VPS8: variants seen among roughly 807,000 people sequenced by gnomAD.
VPS8 encodes the protein VPS8 subunit of CORVET complex.
A neutral mutation model predicts 216.4 loss-of-function variants in VPS8; 129 were observed. That is an observed-to-expected ratio of 0.60 (90% CI 0.52 to 0.69). The LOEUF is 0.69. VPS8 is among the 30% of genes least tolerant of loss of function. The probability of loss-of-function intolerance (pLI) is 0.00; values close to 1 mark genes in which losing one functional copy is unlikely to be tolerated. For synonymous variants in VPS8, 571 were observed against 565.4 expected (o/e 1.01, Z -0.14); for missense variants, 1,531 against 1,683.5 (o/e 0.91, Z 1.59).
intron 30 of VPS8, among the ~76,000 whole-genome samples, chr3:184,925,772 ATTTTTTTT>A (rs769693262): frequency 3.3e-5 from 4 of 121,524 alleles, no homozygotes; most frequent in East Asian, 2.4e-4. Flanking sequence ...TTCTCTCTCT[ATTTTTTTT>A]TTTTTTTTTT....
chr3:185,002,721 A>G (rs1218485156), intron 45 of VPS8, among the ~76,000 whole-genome samples: 1 of 152,108 alleles, frequency 6.6e-6, no homozygotes, highest in African/African-American at 2.4e-5. Context: ...TCCATTCCTG[A>G]GTTACTTCAC....
chr3:184,869,759 G>A (rs1348963583), intron 20 of VPS8, among the ~76,000 whole-genome samples: 1 of 152,132 alleles, frequency 6.6e-6, no homozygotes, highest in Non-Finnish European at 1.5e-5. Flanking sequence ...GTATGGTGGT[G>A]TGCACCTGTA....
chr3:185,030,929 A>AT (rs986408165), intron 46 of VPS8, among the ~76,000 whole-genome samples: 158 of 146,132 alleles, frequency 1.1e-3, no homozygotes, highest in African/African-American at 2.3e-3. Context: ...TGCCTGGCTG[A>AT]TTTTTTTTTT....
intron 15 of VPS8, among the ~76,000 whole-genome samples, 161 bp from the exon 16 acceptor site, chr3:184,862,736 C>T (rs1726602030): frequency 6.6e-6 from 1 of 152,168 alleles, no homozygotes; most frequent in Non-Finnish European, 1.5e-5. Context: ...TGTTCTCTGG[C>T]CTGTCACTGA....
At chr3:185,027,220 T>A (rs1178600569) in intron 46 of VPS8, among the ~76,000 whole-genome samples, 1 of 149,236 alleles carries the variant, frequency 6.7e-6, no homozygotes, top group South Asian at 2.1e-4. Context: ...GCTAACTTAG[T>A]GCAGTTTTTA....
At chr3:184,869,222 A>G (rs1362257143) in intron 19 of VPS8, among the ~76,000 whole-genome samples, 186 bp downstream of exon 19, 1 of 152,226 alleles carries the variant, frequency 6.6e-6, no homozygotes, top group African/African-American at 2.4e-5. Flanking sequence ...AATAGAGGGT[A>G]TAGAAATTAA....
At chr3:185,016,654 C>G (rs1342050151) in intron 45 of VPS8, among the ~76,000 whole-genome samples, 1 of 152,184 alleles carries the variant, frequency 6.6e-6, no homozygotes, top group South Asian at 2.1e-4. Context: ...CGGGAGAAGG[C>G]AATCCTGGCT....
intron 14 of VPS8, among the ~76,000 whole-genome samples, chr3:184,857,939 G>T (rs1259235010): frequency 6.6e-6 from 1 of 152,168 alleles, no homozygotes; most frequent in African/African-American, 2.4e-5. Context: ...AAGTGATTTA[G>T]TGAAGTGAAG....
In VPS8 at chr3:184,824,600, T is replaced by C; in HGVS notation, c.-33T>C. The C allele has an allele frequency of 6.3e-7, 1 of 1,592,972 alleles. No individual in the cohort carries two copies. On this transcript the variant is annotated 5_prime_UTR_variant, in exon 2 of 48. Transcript: ENST00000625842. ...GCCAAACAAACAAAAAACACTTGCT[T>C]TGATGGACTGAATACTGTTATTAGA... is the stretch of plus-strand genomic sequence containing the variant.
At chr3:184,969,148 C>G (rs536091050) in intron 39 of VPS8, among the ~76,000 whole-genome samples, 4 of 152,144 alleles carry the variant, frequency 2.6e-5, no homozygotes, top group South Asian at 4.2e-4. Context: ...GACGGCGTCT[C>G]GCTCTGTTGC....
chr3:184,869,090 A>G lies in VPS8; in HGVS notation c.1597+54A>G, dbSNP rs77544581. ...ACGTGGTTCTCCTGGAGTAGAGGGA[A>G]TGGTTAGTACTAACCACTCATAGGA... On this transcript the variant is annotated intron_variant, in intron 19 of 47. Coordinates refer to ENST00000625842, the MANE Select transcript of VPS8 (RefSeq NM_001009921.3). The G allele has an allele frequency of 1.1e-4, 161 of 1,504,988 alleles. No individual in the cohort carries two copies. In the East Asian group the frequency reaches 3.8e-3, roughly 36 times the overall value. The allele number at this position is 1,504,988 out of a possible 1,614,324, so 93.2% of individuals were successfully genotyped here. A position where few individuals can be genotyped will look rare whatever the true frequency, so the allele number is the denominator to read the frequency against.
chr3:184,836,432 C>A, intron 5 of VPS8: 1 of 394,702 alleles, frequency 2.5e-6, no homozygotes, highest in Non-Finnish European at 5.0e-6. Context: ...GGAGACTGAG[C>A]TAAAACTCAG....
At chr3:184,819,574 A>G (rs1054458704) in intron 1 of VPS8, among the ~76,000 whole-genome samples, 21 of 152,244 alleles carry the variant, frequency 1.4e-4, no homozygotes, top group Non-Finnish European at 2.9e-4. Context: ...TCATTGGTGC[A>G]TATATTGGAA....
chr3:184,917,766 A>G (rs950102323), intron 28 of VPS8, among the ~76,000 whole-genome samples: 22 of 152,332 alleles, frequency 1.4e-4, no homozygotes, highest in African/African-American at 5.3e-4. Flanking sequence ...GAAGAAAAAT[A>G]TATTAATTTT....
At chr3:184,938,457 G>C (rs1742033316) in intron 35 of VPS8, among the ~76,000 whole-genome samples, 1 of 152,126 alleles carries the variant, frequency 6.6e-6, no homozygotes, top group Admixed American at 6.5e-5. Context: ...TACACGGAAG[G>C]ACATGAAATC....
At chr3:184,867,643 C>G (rs909044882) in intron 17 of VPS8, among the ~76,000 whole-genome samples, 1 of 152,146 alleles carries the variant, frequency 6.6e-6, no homozygotes, top group Non-Finnish European at 1.5e-5. Flanking sequence ...GCTAAGAGTT[C>G]AAGACCAGCC....
intron 39 of VPS8, among the ~76,000 whole-genome samples, chr3:184,969,037 C>T (rs1002705484): frequency 4.6e-5 from 7 of 152,090 alleles, no homozygotes; most frequent in Non-Finnish European, 1.0e-4. Context: ...CATTTTTGTA[C>T]TATCAGTATG....
intron 10 of VPS8, 85 bp from the exon 11 acceptor site, chr3:184,852,415 A>G: frequency 8.8e-7 from 1 of 1,130,404 alleles, no homozygotes; most frequent in Non-Finnish European, 1.3e-6. Context: ...TGTATATTGT[A>G]GTTTTTCAAA....
At chr3:184,813,503 T>C (rs1031987520) in intron 1 of VPS8, among the ~76,000 whole-genome samples, 3 of 152,176 alleles carry the variant, frequency 2.0e-5, no homozygotes, top group Admixed American at 2.0e-4. Context: ...CATGGTTAAA[T>C]TTAAGCACAG....
Sources: allele counts gnomAD v4.1 joint callset (sites outside exome capture counted in the v4.1 genomes callset), GRCh38; gene constraint gnomAD v4.1.1; transcripts MANE v1.5; gene names NCBI Gene and HGNC (gene_info 2026-07-23, HGNC 2026-07-21).